The following FAM135B variants were observed in gnomAD, a reference collection of about 807,000 sequenced individuals.
FAM135B encodes the protein protein FAM135B.
In FAM135B, 43 loss-of-function variants were observed where a neutral mutation model predicts 127.7. The ratio of observed to expected loss-of-function variants is 0.34; its 90% CI spans 0.26 to 0.43. FAM135B has a LOEUF of 0.43. Ranked by LOEUF, FAM135B falls within the 20% of genes least tolerant of loss-of-function variation. The pLI, the probability that FAM135B is intolerant of heterozygous loss-of-function variation, is 1.00. For missense variants in FAM135B, 1,558 were observed against 1,725.6 expected, an observed-to-expected ratio of 0.90 and a Z score of 1.72; for synonymous variants, 670 against 665.1, an observed-to-expected ratio of 1.01 and a Z score of -0.11.
At chr8:138,406,690 C>A (rs571645633) in intron 1 of FAM135B, among the ~76,000 whole-genome samples, 8 of 151,632 alleles carry the variant, frequency 5.3e-5, no homozygotes, top group African/African-American at 1.9e-4. Context: ...GCAGAAAAGG[C>A]CTTTGACAAA....
At chr8:138,282,316 A>T (rs1824325984) in intron 3 of FAM135B, among the ~76,000 whole-genome samples, 1 of 152,190 alleles carries the variant, frequency 6.6e-6, no homozygotes, top group Non-Finnish European at 1.5e-5. Context: ...AAAAGAGAAG[A>T]ACTGATAAGC....
chr8:138,392,106 A>T (rs1832609875), intron 1 of FAM135B, among the ~76,000 whole-genome samples: 1 of 152,230 alleles, frequency 6.6e-6, no homozygotes, highest in African/African-American at 2.4e-5. Flanking sequence ...GGCATGTTGA[A>T]TGTCACACAT....
chr8:138,304,049 G>A (rs942031542), intron 3 of FAM135B, among the ~76,000 whole-genome samples: 1 of 152,212 alleles, frequency 6.6e-6, no homozygotes, highest in Non-Finnish European at 1.5e-5. Flanking sequence ...TATGATGGGT[G>A]TGCTGTCAGT....
At chr8:138,347,172 G>A (rs1004270116) in intron 2 of FAM135B, among the ~76,000 whole-genome samples, 14 of 152,180 alleles carry the variant, frequency 9.2e-5, no homozygotes, top group African/African-American at 3.4e-4. Context: ...TTCCCCAGGA[G>A]GACCTGGCTC....
chr8:138,298,447 G>A (rs1435321369), intron 3 of FAM135B, among the ~76,000 whole-genome samples: 1 of 152,132 alleles, frequency 6.6e-6, no homozygotes, highest in African/African-American at 2.4e-5. Flanking sequence ...GACAAAGATT[G>A]GGAGAGAAAT....
chr8:138,445,266 C>T (rs1452952557), intron 1 of FAM135B, among the ~76,000 whole-genome samples: 1 of 152,134 alleles, frequency 6.6e-6, no homozygotes, highest in African/African-American at 2.4e-5. Flanking sequence ...CTATTCCAAT[C>T]AACAGAAAAA....
chr8:138,158,515 T>A (rs1474824077), intron 12 of FAM135B, among the ~76,000 whole-genome samples: 2 of 152,056 alleles, frequency 1.3e-5, no homozygotes. Flanking sequence ...ACCTACAGAA[T>A]GGGAGAAAAT....
chr8:138,364,449 C>T (rs112785346), intron 2 of FAM135B, among the ~76,000 whole-genome samples: 2,091 of 152,240 alleles, frequency 0.014, 48 homozygotes, highest in African/African-American at 0.047. Flanking sequence ...ACCAAAACCA[C>T]GCTCAGACCT....
chr8:138,320,462 T>G (rs1827374634), intron 2 of FAM135B, among the ~76,000 whole-genome samples: 1 of 152,268 alleles, frequency 6.6e-6, no homozygotes, highest in African/African-American at 2.4e-5. Context: ...ATCACTCTTA[T>G]CACAGGGGCC....
At chr8:138,275,433 C>A (rs1823745459) in intron 3 of FAM135B, among the ~76,000 whole-genome samples, 1 of 152,086 alleles carries the variant, frequency 6.6e-6, no homozygotes, top group Non-Finnish European at 1.5e-5. Flanking sequence ...TCTTACAATC[C>A]CAGAACTTCA....
At chr8:138,305,632 A>C (rs886647796) in intron 3 of FAM135B, among the ~76,000 whole-genome samples, 3 of 152,230 alleles carry the variant, frequency 2.0e-5, no homozygotes, top group African/African-American at 7.2e-5. Flanking sequence ...TCTTCCTGGA[A>C]TACCTGAACT....
Position 138,325,563 on chromosome 8 carries a change from A to AAT in FAM135B, c.78-14645_78-14644dup, listed in dbSNP as rs1036100427. 6.2e-4 allele frequency among the ~76,000 whole-genome samples: 95 copies of AAT among 152,114 alleles called. 1 individual carries two copies. Among genetic ancestry groups the AAT allele is most frequent in the African/African-American group, 1.9e-3 (79 of 41,510 alleles). On this transcript the variant is annotated intron_variant, in intron 2 of 19. Coordinates refer to ENST00000395297, the MANE Select transcript of FAM135B (RefSeq NM_015912.4). ...GACTCAAACTGTTGAGCCTTCAGGA[A>AAT]ATATATATATATTGCTCAAAGAATC...
At position 138,224,778 on chromosome 8, in the gene FAM135B, A is replaced by G. The variant is rs57695501; in HGVS notation, c.669+18164T>C. 9.7e-3 allele frequency among the ~76,000 whole-genome samples: 1,479 copies of G among 152,264 alleles called. 19 individuals are homozygous for G. Among genetic ancestry groups the G allele is most frequent in the African/African-American group, 0.032 (1,322 of 41,542 alleles). On this transcript the variant is annotated intron_variant, in intron 7 of 19. Transcript: ENST00000395297. ...GGATGGGACCCTCATGATGAGGTTA[A>G]TACCCTGAAGGACATTATTAAATAG...
intron 1 of FAM135B, among the ~76,000 whole-genome samples, chr8:138,402,976 C>T (rs1321610607): frequency 1.3e-5 from 2 of 152,098 alleles, no homozygotes; most frequent in South Asian, 2.1e-4. Flanking sequence ...CTCTCTGCCA[C>T]GTGAGGACAC....
In FAM135B at chr8:138,151,525, T is replaced by A. The variant is rs144939952; in HGVS notation, c.2950A>T (p.Thr984Ser). 6.8e-6 allele frequency: 11 copies of A among 1,614,128 alleles called. No homozygotes were observed. The highest frequency in any genetic ancestry group is 9.3e-6 in the Non-Finnish European group (11 of 1,180,058). ...GAATGGGTCACAGTGGGGCACACAG[T>A]GCCTGCTTTATGTTTAGCCTCCGGG... The part of the protein sequence containing the change: ...AFPEAKHKAG[T>S]VCPTVTHSVH... The change falls in exon 13 of 20, where the codon ACT becomes TCT. Residue 984 changes from threonine to serine, a missense_variant. This residue lies in a region of FAM135B where 923 missense variants were observed against 865.3 expected (regional missense o/e 1.07). Transcript: ENST00000395297.
At position 138,251,693 on chromosome 8, in the gene FAM135B, C is replaced by T. The variant is rs142002378; in HGVS notation, c.369-679G>A. ...GTCTAAGAGATTAAACCAACTGGCACACGACCCAACAGCATCTTTGGTGAT... is the reference window on the plus strand; with the variant it reads ...GTCTAAGAGATTAAACCAACTGGCATACGACCCAACAGCATCTTTGGTGAT... On this transcript the variant is annotated intron_variant, in intron 5 of 19. Coordinates refer to ENST00000395297, the MANE Select transcript of FAM135B (RefSeq NM_015912.4). Among the ~76,000 whole-genome samples the T allele has an allele frequency of 4.6e-5, 7 of 152,256 alleles. No individual in the cohort carries two copies. The East Asian group carries it at 1.4e-3, about 29-fold the overall frequency.
At chr8:138,197,156 G>GA (rs1816713824) in intron 8 of FAM135B, among the ~76,000 whole-genome samples, 1 of 151,490 alleles carries the variant, frequency 6.6e-6, no homozygotes, top group Middle Eastern at 3.2e-3. Context: ...TTACACTCTT[G>GA]TAAGTTACAA....
At chr8:138,352,346 G>A (rs1390010500) in intron 2 of FAM135B, among the ~76,000 whole-genome samples, 1 of 152,188 alleles carries the variant, frequency 6.6e-6, no homozygotes, top group Non-Finnish European at 1.5e-5. Flanking sequence ...TTGTATGCAT[G>A]TATCAAAATA....
At chr8:138,249,512 A>G (rs1481273794) in intron 6 of FAM135B, among the ~76,000 whole-genome samples, 1 of 152,178 alleles carries the variant, frequency 6.6e-6, no homozygotes, top group African/African-American at 2.4e-5. Context: ...CTTTCCCTAG[A>G]GCACAGCAGG....
Sources: gnomAD v4.1 joint callset for allele counts (sites outside exome capture counted in the v4.1 genomes callset) on GRCh38, gnomAD v4.1.1 for gene constraint, gnomAD v4.1.1 regional missense constraint, MANE v1.5 for transcripts, NCBI Gene and HGNC (gene_info 2026-07-23, HGNC 2026-07-21) for gene names.